Variants in NBAS observed in about 807,000 individuals in gnomAD.
NBAS encodes the protein NAG/BC035112 fusion.
A neutral mutation model predicts 302.5 loss-of-function variants in NBAS; 219 were observed. The ratio of observed to expected loss-of-function variants is 0.72; its 90% confidence interval spans 0.65 to 0.81. NBAS has a LOEUF of 0.81. Ranked by LOEUF, NBAS falls within the 30% of genes least tolerant of loss-of-function variation. NBAS has a pLI of 0.00. For missense variants in NBAS, 2,932 were observed against 2,841.6 expected, an observed-to-expected ratio of 1.03 and a Z score of -0.72; for synonymous variants, 1,118 against 1,021.6, an observed-to-expected ratio of 1.09 and a Z score of -1.80.
chr2:15,197,410 T>C (rs990279644), intron 48 of NBAS, among the ~76,000 whole-genome samples: 1 of 152,226 alleles, frequency 6.6e-6, no homozygotes, highest in African/African-American at 2.4e-5. Flanking sequence ...TTATCTGTAA[T>C]TTGTGCTGAT....
chr2:14,817,010 A>G, the NBAS span, among the ~76,000 whole-genome samples: 5 of 152,212 alleles, frequency 3.3e-5, no homozygotes, highest in South Asian at 8.3e-4. Context: ...AGGTGACTCC[A>G]TAAAATAATT....
At chr2:15,177,160 C>T (rs1262595961) in intron 51 of NBAS, among the ~76,000 whole-genome samples, 7 of 152,166 alleles carry the variant, frequency 4.6e-5, no homozygotes, top group Admixed American at 1.3e-4. Flanking sequence ...ACAGACGTTT[C>T]GTGCGCTATC....
intron 44 of NBAS, among the ~76,000 whole-genome samples, chr2:15,260,163 A>T (rs910345442): frequency 6.6e-6 from 1 of 152,244 alleles, no homozygotes; most frequent in African/African-American, 2.4e-5. Context: ...CTTTGTAATC[A>T]TTTAAAATTA....
intron 12 of NBAS, among the ~76,000 whole-genome samples, chr2:15,481,876 C>G (rs960651846): frequency 6.6e-6 from 1 of 152,148 alleles, no homozygotes; most frequent in African/African-American, 2.4e-5. Flanking sequence ...ACTCCTCCCC[C>G]AAAGGAAGCT....
the NBAS span, among the ~76,000 whole-genome samples, chr2:14,833,541 T>C: frequency 6.6e-6 from 1 of 152,120 alleles, no homozygotes; most frequent in Non-Finnish European, 1.5e-5. Flanking sequence ...AAGTAAAAAC[T>C]CTTACTGTCA....
chr2:15,314,122 G>A (rs1242568208), intron 38 of NBAS, among the ~76,000 whole-genome samples: 4 of 152,174 alleles, frequency 2.6e-5, no homozygotes, highest in Non-Finnish European at 4.4e-5. Flanking sequence ...GGGAGGCCGA[G>A]GCAGGTGGAT....
chr2:15,139,955 G>A, the NBAS span, among the ~76,000 whole-genome samples: 1 of 152,184 alleles, frequency 6.6e-6, no homozygotes, highest in Admixed American at 6.5e-5. Context: ...CCCACAGAGA[G>A]GTGAAGTCTG....
chr2:15,211,428 G>A, intron 48 of NBAS, among the ~76,000 whole-genome samples: 1 of 152,160 alleles, frequency 6.6e-6, no homozygotes, highest in East Asian at 1.9e-4. Flanking sequence ...AATATTTAAT[G>A]AATCTGAGTA....
At chr2:14,807,951 AC>A in the NBAS span, among the ~76,000 whole-genome samples, 1 of 152,300 alleles carries the variant, frequency 6.6e-6, no homozygotes, top group African/African-American at 2.4e-5. Flanking sequence ...GCACATATAT[AC>A]AGACTACATT....
chr2:15,322,372 G>A (rs1035885430), intron 38 of NBAS, among the ~76,000 whole-genome samples: 1 of 151,758 alleles, frequency 6.6e-6, no homozygotes, highest in African/African-American at 2.4e-5. Context: ...ATGTACCCTA[G>A]AACTTAAAGT....
the NBAS span, among the ~76,000 whole-genome samples, chr2:14,786,035 A>C: frequency 1.2e-4 from 19 of 152,106 alleles, no homozygotes; most frequent in African/African-American, 2.9e-4. Context: ...CAACTTCTTC[A>C]AGGTTTAGTC....
chr2:15,275,699 C>G lies in NBAS; in HGVS notation c.5509G>C (p.Asp1837His), dbSNP rs1341746968. The G allele has an allele frequency of 6.2e-7, 1 of 1,614,122 alleles. No individual in the cohort carries two copies. The highest frequency in any genetic ancestry group is 8.5e-7 in the Non-Finnish European group (1 of 1,180,028). The change falls in exon 44 of 52, where the codon GAT becomes CAT. Residue 1837 changes from aspartate (D) to histidine (H), a missense_variant. Coordinates refer to ENST00000281513, the MANE Select transcript of NBAS (RefSeq NM_015909.4). Reference protein sequence around the residue: ...SKLVPKIPEKDGQMLSPSSLY... With the variant: ...SKLVPKIPEKHGQMLSPSSLY... ...GAGCTTGGGGAAAGCATCTGTCCAT[C>G]CTTTTCAGGGATTTTGGGAACAAGT...
the NBAS span, among the ~76,000 whole-genome samples, chr2:15,034,364 A>C: frequency 1.3e-5 from 2 of 152,084 alleles, no homozygotes; most frequent in Non-Finnish European, 2.9e-5. Flanking sequence ...AAAAAGGGCG[A>C]GCAGAAAGCT....
chr2:15,147,500 G>A, the NBAS span, among the ~76,000 whole-genome samples: 2 of 152,106 alleles, frequency 1.3e-5, no homozygotes, highest in Non-Finnish European at 2.9e-5. Flanking sequence ...GGCTGAGGCA[G>A]GAGAATCGCT....
the NBAS span, among the ~76,000 whole-genome samples, chr2:15,089,308 G>C: frequency 6.6e-6 from 1 of 151,966 alleles, no homozygotes; most frequent in African/African-American, 2.4e-5. Flanking sequence ...AATTCTTCAA[G>C]GTCAAAGAAG....
intron 48 of NBAS, among the ~76,000 whole-genome samples, chr2:15,191,345 T>C (rs561358180): frequency 1.3e-5 from 2 of 152,280 alleles, no homozygotes; most frequent in Admixed American, 1.3e-4. Flanking sequence ...CAAGAAGCCA[T>C]CCGAAAAAGT....
At chr2:15,490,438 TA>T (rs1283763338) in intron 11 of NBAS, among the ~76,000 whole-genome samples, 28 of 152,196 alleles carry the variant, frequency 1.8e-4, no homozygotes, top group African/African-American at 6.7e-4. Flanking sequence ...AGAGAAATAA[TA>T]AAAGCAAAAG....
chr2:15,230,519 C>T (rs1156751005), intron 47 of NBAS, among the ~76,000 whole-genome samples: 2 of 151,736 alleles, frequency 1.3e-5, no homozygotes, highest in African/African-American at 4.8e-5. Context: ...CTTCTTCAAA[C>T]CTTAAAAAAC....
chr2:14,896,044 GA>G, the NBAS span, among the ~76,000 whole-genome samples: 1 of 151,412 alleles, frequency 6.6e-6, no homozygotes, highest in Non-Finnish European at 1.5e-5. Context: ...TACAGAATAA[GA>G]AAACTAAGAA....
Sources: gnomAD v4.1 joint callset for allele counts (sites outside exome capture counted in the v4.1 genomes callset) on GRCh38, gnomAD v4.1.1 for gene constraint, MANE v1.5 for transcripts, NCBI Gene and HGNC (gene_info 2026-07-23, HGNC 2026-07-21) for gene names.